The following ABCC1 variants were observed in gnomAD, a reference collection of about 807,000 sequenced individuals.
The protein encoded by ABCC1 is multidrug resistance-associated protein 1.
A neutral mutation model predicts 172.9 loss-of-function variants in ABCC1; 83 were observed. That is an observed-to-expected ratio of 0.48 (90% confidence interval 0.40 to 0.58). ABCC1 has a LOEUF of 0.58. ABCC1 is among the 20% of genes least tolerant of loss of function. The pLI is 0.00. For synonymous variants in ABCC1, 937 were observed against 825.2 expected, an observed-to-expected ratio of 1.14 and a Z score of -2.32; for missense variants, 1,817 against 2,002.7, an observed-to-expected ratio of 0.91 and a Z score of 1.77.
chr16:16,049,865 T>C (rs796762533), intron 10 of ABCC1, among the ~76,000 whole-genome samples: 26 of 152,128 alleles, frequency 1.7e-4, no homozygotes, highest in African/African-American at 5.5e-4. Context: ...CTTTTTTTTT[T>C]GTATTTTTAG....
chr16:15,967,222 AGAAAGCCAGGGAGGTG>A (rs1478395674), intron 1 of ABCC1, among the ~76,000 whole-genome samples: 3 of 152,094 alleles, frequency 2.0e-5, no homozygotes, highest in Non-Finnish European at 4.4e-5. Context: ...GTAGCTCCAG[AGAAAGCCAGGGAGGTG>A]TATGCTGGGT....
In ABCC1 at chr16:16,016,594, CCT is replaced by C; in HGVS notation, c.589_590del (p.Leu197ValfsTer9). 2 of 1,614,184 alleles carry C rather than the reference CCT, an allele frequency of 1.2e-6. No homozygotes were observed. Among genetic ancestry groups the C allele is most frequent in the Non-Finnish European group, 1.7e-6 (2 of 1,180,034 alleles). ...TGTCCTGTTTCTCAGATCGCTCACCCCTGTTCTCGGAAACCATCCACGACCCT... is the reference window on the plus strand; with the variant it reads ...TGTCCTGTTTCTCAGATCGCTCACCCGTTCTCGGAAACCATCCACGACCCT... The part of the protein sequence containing the change: ...VLSCFSDRSP[L>X]FSETIHDPNP... On this transcript the variant is annotated frameshift_variant, in exon 5 of 31. Coordinates refer to ENST00000399410, the MANE Select transcript of ABCC1 (RefSeq NM_004996.4). LOFTEE classifies it high-confidence loss of function.
intron 19 of ABCC1, chr16:16,098,738 G>T: frequency 1.4e-6 from 1 of 735,960 alleles, no homozygotes. Flanking sequence ...CGCACAAATG[G>T]AGCAGACCCT....
intron 5 of ABCC1, among the ~76,000 whole-genome samples, 161 bp from the exon 6 acceptor site, chr16:16,032,948 A>C (rs535815013): frequency 6.6e-6 from 1 of 152,168 alleles, no homozygotes; most frequent in South Asian, 2.1e-4. Flanking sequence ...TCTCCTGGCT[A>C]TTAGGAGAGG....
chr16:16,120,681 G>C (rs1402251125), intron 23 of ABCC1, among the ~76,000 whole-genome samples: 3 of 152,126 alleles, frequency 2.0e-5, no homozygotes, highest in Non-Finnish European at 4.4e-5. Flanking sequence ...TGGCCTGGAC[G>C]GGATGGGCAT....
rs1357760375 is a variant in ABCC1 at position 16,033,135 on chromosome 16, C to T, written c.642C>T (p.Ser214=). The part of the protein sequence containing the change: ...DPNPCPESSA[S]FLSRITFWWI... ...ATCCCTGCCCAGAGTCCAGCGCTTC[C>T]TTCCTGTCGAGGATCACCTTCTGGT... The change falls in exon 6 of 31, where the codon TCC becomes TCT. Residue 214 remains serine (S), a synonymous_variant. Transcript: ENST00000399410. The T allele has an allele frequency of 7.4e-6, 12 of 1,614,114 alleles. No individual in the cohort carries two copies. Among genetic ancestry groups the T allele is most frequent in the Non-Finnish European group, 1.0e-5 (12 of 1,180,054 alleles).
intron 3 of ABCC1, among the ~76,000 whole-genome samples, chr16:16,011,550 C>T (rs2047785510): frequency 6.6e-6 from 1 of 151,852 alleles, no homozygotes; most frequent in African/African-American, 2.4e-5. Flanking sequence ...CGTGAGATCA[C>T]AGCTCACTGC....
At chr16:15,992,094 C>T (rs45496393) in intron 1 of ABCC1, among the ~76,000 whole-genome samples, 2,411 of 152,008 alleles carry the variant, frequency 0.016, 59 homozygotes, top group African/African-American at 0.055. Flanking sequence ...CATAGGAGCG[C>T]GAACCCTGCT....
At chr16:16,041,607 G>A (rs910520512) in intron 7 of ABCC1, among the ~76,000 whole-genome samples, 6 of 152,166 alleles carry the variant, frequency 3.9e-5, no homozygotes, top group Non-Finnish European at 8.8e-5. Flanking sequence ...CCCTGTCCTA[G>A]GCTGGAATTT....
intron 12 of ABCC1, among the ~76,000 whole-genome samples, chr16:16,065,800 A>G (rs958176218): frequency 5.9e-5 from 9 of 152,026 alleles, no homozygotes; most frequent in Admixed American, 3.9e-4. Flanking sequence ...CTCTGCTCGA[A>G]CTTCTGGCCT....
At chr16:15,993,828 T>G (rs549593170) in intron 1 of ABCC1, among the ~76,000 whole-genome samples, 2 of 152,226 alleles carry the variant, frequency 1.3e-5, no homozygotes, top group African/African-American at 4.8e-5. Context: ...TCTAGGGAGA[T>G]GAATTTGGAA....
At chr16:16,019,732 C>T (rs1269109906) in intron 5 of ABCC1, among the ~76,000 whole-genome samples, 1 of 152,176 alleles carries the variant, frequency 6.6e-6, no homozygotes, top group African/African-American at 2.4e-5. Flanking sequence ...TTCTGCATTC[C>T]TGGCAGCCTG....
intron 19 of ABCC1, among the ~76,000 whole-genome samples, chr16:16,097,721 TGACTA>T (rs768964584): frequency 3.9e-4 from 60 of 152,328 alleles, no homozygotes; most frequent in Non-Finnish European, 6.6e-4. Flanking sequence ...CTTCTTGACT[TGACTA>T]TACACTTGTC....
At chr16:16,093,579 C>T (rs547346350) in intron 19 of ABCC1, among the ~76,000 whole-genome samples, 1 of 152,104 alleles carries the variant, frequency 6.6e-6, no homozygotes. Flanking sequence ...CATAGAAGTC[C>T]TTGGCAGTGG....
intron 7 of ABCC1, 140 bp downstream of exon 7, chr16:16,036,743 C>T (rs777003144): frequency 3.7e-4 from 323 of 882,098 alleles, no homozygotes; most frequent in Non-Finnish European, 1.0e-4. Context: ...ACTTCTCCTC[C>T]TGGCCTCAGT....
intron 3 of ABCC1, among the ~76,000 whole-genome samples, chr16:16,012,983 G>A (rs761714467): frequency 5.3e-5 from 8 of 152,018 alleles, no homozygotes; most frequent in Non-Finnish European, 1.0e-4. Flanking sequence ...GTGCCTGGCC[G>A]TTCCTGGTCT....
intron 26 of ABCC1, among the ~76,000 whole-genome samples, chr16:16,129,764 C>G (rs900528963): frequency 6.6e-6 from 1 of 152,114 alleles, no homozygotes; most frequent in Non-Finnish European, 1.5e-5. Context: ...TCTCAAACTC[C>G]TGACCTCAAG....
In ABCC1 at chr16:16,142,111, TC is replaced by T. The variant is rs1413889252; in HGVS notation, c.*831del. The stretch of plus-strand genomic sequence containing the variant: ...CCAGGCTTTCCCTTTTTTCTTTTGT[TC>T]AACATTGTAAGAACAATCAATGCTG... On this transcript the variant is annotated 3_prime_UTR_variant, in exon 31 of 31. Coordinates refer to ENST00000399410, the MANE Select transcript of ABCC1 (RefSeq NM_004996.4). The T allele has an allele frequency of 6.6e-6, 1 of 152,108 alleles. No homozygotes were observed. The allele number at this position is 152,108 out of a possible 1,614,324, so 9.4% of individuals were successfully genotyped here.
intron 1 of ABCC1, among the ~76,000 whole-genome samples, chr16:15,956,010 G>A (rs1375232011): frequency 6.6e-6 from 1 of 152,156 alleles, no homozygotes; most frequent in African/African-American, 2.4e-5. Context: ...CACTTTGGGA[G>A]GCCGAGGCAG....
Sources: gnomAD v4.1 joint callset for allele counts (sites outside exome capture counted in the v4.1 genomes callset) on GRCh38, gnomAD v4.1.1 for gene constraint, MANE v1.5 for transcripts, NCBI Gene and HGNC (gene_info 2026-07-23, HGNC 2026-07-21) for gene names.